Variants in MYL3 observed in about 807,000 individuals in gnomAD.
The protein encoded by MYL3 is CMLC1.
In MYL3, 11 loss-of-function variants were observed where a neutral mutation model predicts 21.3. That is an observed-to-expected ratio of 0.52 (90% CI 0.32 to 0.85). The LOEUF is 0.85. Among genes scored for constraint, MYL3 ranks in the 40% least tolerant of loss-of-function variants. MYL3 has a pLI of 0.03. For synonymous variants in MYL3, 88 were observed against 91.6 expected (o/e 0.96, Z 0.22); for missense variants, 206 against 253.3 (o/e 0.81, Z 1.27).
intron 1 of MYL3, among the ~76,000 whole-genome samples, chr3:46,862,094 G>C (rs957396622): frequency 2.0e-5 from 3 of 152,190 alleles, no homozygotes; most frequent in Non-Finnish European, 2.9e-5. Flanking sequence ...TGGGGGAAGA[G>C]GGCGCATGAG....
chr3:46,858,134 G>A, intron 6 of MYL3, 33 bp from the exon 7 acceptor site: 2 of 1,376,726 alleles, frequency 1.5e-6, no homozygotes, highest in Non-Finnish European at 2.1e-6. Flanking sequence ...TTACAGAGGA[G>A]GAGGGAGACG....
chr3:46,870,478 G>A (rs1172437860), intron 1 of MYL3, among the ~76,000 whole-genome samples: 2 of 146,974 alleles, frequency 1.4e-5, no homozygotes, highest in African/African-American at 2.5e-5. Context: ...TAGCCATGGT[G>A]GCCCCCTACA....
rs565312070 is a variant in MYL3, at chr3:46,860,796, G to A, written c.187C>T (p.Arg63Cys). 1.3e-5 allele frequency: 21 copies of A among 1,613,944 alleles called. No individual in the cohort carries two copies. The highest frequency in any genetic ancestry group is 1.6e-4 in the Middle Eastern group (1 of 6,084). Reference sequence around the variant, plus strand: ...ATCTTCATCTCACACTTGGGTGTGCGGTCGAACAGCATGAAGGCTTCCTTG... The same window carrying A: ...ATCTTCATCTCACACTTGGGTGTGCAGTCGAACAGCATGAAGGCTTCCTTG... ...EFKEAFMLFD[R>C]TPKCEMKITY... is the part of the protein sequence containing the mutation. The change falls in exon 3 of 7, where the codon CGC (arginine) becomes TGC (cysteine). Residue 63 changes from arginine to cysteine, a missense_variant. Coordinates refer to ENST00000292327, the MANE Select transcript of MYL3 (RefSeq NM_000258.3). The surrounding 1 kb of genome is among the most constrained non-coding windows in gnomAD (Gnocchi z 4.6).
rs1044370169 is a variant in MYL3 at position 46,859,732 on chromosome 3, C to G, written c.308-84G>C. The stretch of plus-strand genomic sequence containing the variant: ...CCATGCCTGATAATGAGGAGCTATC[C>G]CCACCTCTCACACAGTTCTACAACA... On this transcript the variant is annotated intron_variant, in intron 3 of 6. Coordinates refer to ENST00000292327, the MANE Select transcript of MYL3 (RefSeq NM_000258.3). The surrounding 1 kb of genome is among the most constrained non-coding windows in gnomAD (Gnocchi z 4.1). 1.7e-5 allele frequency: 25 copies of G among 1,467,600 alleles called. No homozygotes were observed. In the African/African-American group the frequency reaches 2.9e-4, roughly 17 times the overall value. 90.9% of individuals were successfully genotyped at this position (1,467,600 alleles called of 1,614,324 possible).
chr3:46,863,245 C>T lies in MYL3; in HGVS notation c.129+17G>A. 1.2e-6 allele frequency: 2 copies of T among 1,613,932 alleles called. No individual in the cohort carries two copies. Among genetic ancestry groups the T allele is most frequent in the Non-Finnish European group, 1.7e-6 (2 of 1,179,960 alleles). The stretch of plus-strand genomic sequence containing the variant: ...CTTGCCCTGCTCCTATTGCCACCAC[C>T]CAGCTTCCATACCCACCTTGATCTT... On this transcript the variant is annotated intron_variant, in intron 1 of 6. Coordinates refer to ENST00000292327, the MANE Select transcript of MYL3 (RefSeq NM_000258.3).
intron 1 of MYL3, among the ~76,000 whole-genome samples, chr3:46,862,779 A>G (rs2106913545): frequency 6.6e-6 from 1 of 152,286 alleles, no homozygotes; most frequent in Middle Eastern, 3.4e-3. Flanking sequence ...GTGCTCTACC[A>G]GCTCTGGGCT....
intron 1 of MYL3, among the ~76,000 whole-genome samples, chr3:46,871,681 G>A (rs568091558): frequency 6.6e-6 from 1 of 152,302 alleles, no homozygotes; most frequent in South Asian, 2.1e-4. Context: ...CCTCAGACCA[G>A]CACAAGAACC....
intron 4 of MYL3, 113 bp from the exon 5 acceptor site, chr3:46,858,574 C>G (rs1287720329): frequency 4.0e-6 from 4 of 1,000,586 alleles, no homozygotes; most frequent in African/African-American, 1.6e-5. Flanking sequence ...TTCCCACAAC[C>G]AGCACTGTTC....
At chr3:46,869,127 CA>C (rs1456678877) in intron 1 of MYL3, among the ~76,000 whole-genome samples, 4 of 152,154 alleles carry the variant, frequency 2.6e-5, no homozygotes, top group African/African-American at 9.7e-5. Context: ...CCCCTCCCCC[CA>C]CAGCATGGCC....
chr3:46,875,658 C>T (rs903342580), intron 1 of MYL3, among the ~76,000 whole-genome samples: 3 of 152,216 alleles, frequency 2.0e-5, no homozygotes, highest in Non-Finnish European at 4.4e-5. Flanking sequence ...AGAACTGTTA[C>T]GACGCTGCAA....
chr3:46,871,967 A>G (rs563164316), intron 1 of MYL3, among the ~76,000 whole-genome samples: 1 of 152,284 alleles, frequency 6.6e-6, no homozygotes, highest in South Asian at 2.1e-4. Flanking sequence ...TTGGCTGGGG[A>G]GAGAGAACTC....
At chr3:46,868,927 G>A (rs116278658) in intron 1 of MYL3, among the ~76,000 whole-genome samples, 166 of 152,356 alleles carry the variant, frequency 1.1e-3, no homozygotes, top group African/African-American at 3.8e-3. Flanking sequence ...AAGGGTTTGT[G>A]GGAGCTCTGG....
At chr3:46,858,511 G>A (rs771359536) in intron 4 of MYL3, 50 bp from the exon 5 acceptor site, 3 of 1,580,454 alleles carry the variant, frequency 1.9e-6, no homozygotes, top group Middle Eastern at 1.7e-4. Flanking sequence ...GAGGCATGAT[G>A]GGGTGGGGGC....
chr3:46,879,221 CT>C lies in MYL3; in HGVS notation c.-218+2852del, dbSNP rs1469352211. Reference sequence around the variant, plus strand: ...GACCCAGCACCCATCAGATTCCTCTCTGCAGCCCTCTCCACAGCCCACCCTC... The same window carrying C: ...GACCCAGCACCCATCAGATTCCTCTCGCAGCCCTCTCCACAGCCCACCCTC... On this transcript the variant is annotated intron_variant, in intron 1 of 3. Coordinates refer to the MYL3 transcript ENST00000431168. The surrounding 1 kb of genome is among the most constrained non-coding windows in gnomAD (Gnocchi z 4.7). Among the ~76,000 whole-genome samples the C allele has an allele frequency of 6.6e-6, 1 of 152,222 alleles. No individual in the cohort carries two copies. Among genetic ancestry groups the C allele is most frequent in the Admixed American group, 6.5e-5 (1 of 15,288 alleles).
chr3:46,858,564 T>A, intron 4 of MYL3, 103 bp from the exon 5 acceptor site: 1 of 1,078,348 alleles, frequency 9.3e-7, no homozygotes, highest in South Asian at 1.3e-5. Context: ...CTCTCCAGTA[T>A]TCCCACAACC....
At chr3:46,875,373 G>T (rs2030154748) in intron 1 of MYL3, among the ~76,000 whole-genome samples, 1 of 152,178 alleles carries the variant, frequency 6.6e-6, no homozygotes, top group African/African-American at 2.4e-5. Context: ...GCAAGCCCAT[G>T]CCCACACTGC....
chr3:46,865,714 G>A (rs1702042416), upstream of MYL3, among the ~76,000 whole-genome samples: 1 of 152,192 alleles, frequency 6.6e-6, no homozygotes, highest in Non-Finnish European at 1.5e-5. The surrounding 1 kb of genome is among the most constrained non-coding windows in gnomAD (Gnocchi z 4.3). Flanking sequence ...GGATGGGCAG[G>A]CTCATGCAGC....
At chr3:46,862,261 T>C (rs565572692) in intron 1 of MYL3, among the ~76,000 whole-genome samples, 1 of 152,186 alleles carries the variant, frequency 6.6e-6, no homozygotes, top group Admixed American at 6.5e-5. Context: ...TCCAGGTGCA[T>C]ATACTCTGAA....
rs1021372893 is a variant in MYL3 at position 46,857,941 on chromosome 3, G to T, written c.*174C>A. ...GGGACAGAGCTGCTGTCACAGGTAA[G>T]CACAGCCTGAGAGGGGCCAGAGACG... On this transcript the variant is annotated 3_prime_UTR_variant, in exon 7 of 7. Transcript: ENST00000292327. The surrounding 1 kb of genome is among the most constrained non-coding windows in gnomAD (Gnocchi z 5.0). 3 of 520,634 alleles carry T rather than the reference G, an allele frequency of 5.8e-6. No homozygotes were observed. Among genetic ancestry groups the T allele is most frequent in the Non-Finnish European group, 1.0e-5 (3 of 286,170 alleles). The allele number at this position is 520,634 out of a possible 1,614,324, so 32.3% of individuals were successfully genotyped here.
Sources: allele counts gnomAD v4.1 joint callset (sites outside exome capture counted in the v4.1 genomes callset), GRCh38; gene constraint gnomAD v4.1.1; non-coding constraint Gnocchi (gnomAD v3.1); transcripts MANE v1.5; gene names NCBI Gene and HGNC (gene_info 2026-07-23, HGNC 2026-07-21).